Variants in LAMA2 observed in about 807,000 individuals in gnomAD.
The protein encoded by LAMA2 is laminin subunit alpha-2.
In LAMA2, 269 loss-of-function variants were observed where a neutral mutation model predicts 364.8. That is an observed-to-expected ratio of 0.74 (90% CI 0.67 to 0.82). The LOEUF is 0.82. Among genes scored for constraint, LAMA2 ranks in the 40% least tolerant of loss-of-function variants. LAMA2 has a pLI of 0.00. For synonymous variants in LAMA2, 1,379 were observed against 1,370.6 expected (o/e 1.01, Z -0.14); for missense variants, 3,807 against 3,873.2 (o/e 0.98, Z 0.45).
At chr6:129,512,294 C>T (rs1420553004) in intron 62 of LAMA2, 69 bp from the exon 63 acceptor site, 8 of 1,405,510 alleles carry the variant, frequency 5.7e-6, no homozygotes, top group Non-Finnish European at 7.0e-6. Flanking sequence ...AAAAGTCATG[C>T]ATTGTACACG....
intron 30 of LAMA2, among the ~76,000 whole-genome samples, chr6:129,349,097 A>G (rs1460758803): frequency 6.6e-6 from 1 of 152,154 alleles, no homozygotes; most frequent in African/African-American, 2.4e-5. Context: ...CATAAACCAA[A>G]CAATATATAT....
chr6:129,201,426 A>G (rs1002258934), intron 12 of LAMA2, among the ~76,000 whole-genome samples: 20 of 151,422 alleles, frequency 1.3e-4, no homozygotes, highest in African/African-American at 4.4e-4. Flanking sequence ...TGTGAAAGAA[A>G]ACTACCTAAG....
chr6:129,242,231 G>A (rs1322073758), intron 12 of LAMA2, among the ~76,000 whole-genome samples: 3 of 152,078 alleles, frequency 2.0e-5, no homozygotes, highest in Non-Finnish European at 2.9e-5. Flanking sequence ...TGTCCAACAT[G>A]ATGAATATCC....
At chr6:129,363,474 G>A (rs114414317) in intron 32 of LAMA2, among the ~76,000 whole-genome samples, 295 of 152,276 alleles carry the variant, frequency 1.9e-3, no homozygotes, top group African/African-American at 6.2e-3. Context: ...CACCAATGTT[G>A]TCACATTCTA....
At position 129,378,215 on chromosome 6, in the gene LAMA2, TAAG is replaced by T. The variant is rs138848114; in HGVS notation, c.4960-4900_4960-4898del. Among the ~76,000 whole-genome samples the T allele has an allele frequency of 3.0e-4, 46 of 152,266 alleles. No homozygotes were observed. In the East Asian group the frequency reaches 8.7e-3, roughly 29 times the overall value. ...ACTCAAAGGACAAGATAATAGTGAA[TAAG>T]AAGAAGGATGACTAAGAGATGGAGA... On this transcript the variant is annotated intron_variant, in intron 34 of 64. Coordinates refer to ENST00000421865, the MANE Select transcript of LAMA2 (RefSeq NM_000426.4).
At chr6:129,388,649 T>C (rs1402042091) in intron 35 of LAMA2, among the ~76,000 whole-genome samples, 3 of 152,090 alleles carry the variant, frequency 2.0e-5, no homozygotes, top group African/African-American at 7.3e-5. Flanking sequence ...TTTCAAAAGA[T>C]ATTTCTTATG....
intron 12 of LAMA2, among the ~76,000 whole-genome samples, chr6:129,223,667 A>G (rs952682718): frequency 6.6e-6 from 1 of 152,060 alleles, no homozygotes; most frequent in African/African-American, 2.4e-5. Context: ...GTGTGGTATT[A>G]TTTCTGAGGG....
intron 4 of LAMA2, among the ~76,000 whole-genome samples, chr6:129,143,100 C>G (rs530120746): frequency 1.3e-5 from 2 of 152,034 alleles, no homozygotes; most frequent in East Asian, 1.9e-4. Context: ...AGCCTGCCAG[C>G]CTTCTACACC....
chr6:128,886,759 T>C (rs1388898939), intron 1 of LAMA2, among the ~76,000 whole-genome samples: 2 of 152,212 alleles, frequency 1.3e-5, no homozygotes, highest in Admixed American at 1.3e-4. Context: ...TTTTATAATA[T>C]GGAGAAAATA....
intron 1 of LAMA2, among the ~76,000 whole-genome samples, chr6:128,904,546 C>A (rs983673327): frequency 2.6e-5 from 4 of 151,302 alleles, no homozygotes; most frequent in Non-Finnish European, 4.4e-5. Context: ...CCTCCGCCTC[C>A]CGGGTTCAAG....
At chr6:128,886,548 C>T (rs1484436907) in intron 1 of LAMA2, among the ~76,000 whole-genome samples, 2 of 150,940 alleles carry the variant, frequency 1.3e-5, no homozygotes, top group Admixed American at 1.3e-4. Context: ...GAAGGGAGAG[C>T]AGAATGGTTA....
At chr6:128,973,097 AG>A (rs910655689) in intron 1 of LAMA2, among the ~76,000 whole-genome samples, 2 of 152,286 alleles carry the variant, frequency 1.3e-5, no homozygotes, top group South Asian at 2.1e-4. Flanking sequence ...ATGAAAAAAA[AG>A]TTCCTAAAAT....
rs1292647959 is a variant in LAMA2, at chr6:129,120,206, C to G, written c.639+21791C>G. The stretch of plus-strand genomic sequence containing the variant: ...AATATCAAAAGAAATTATTTGTGTC[C>G]GAAAGTCACAATATGCGTGAGTCAT... On this transcript the variant is annotated intron_variant, in intron 4 of 64. Coordinates refer to ENST00000421865, the MANE Select transcript of LAMA2 (RefSeq NM_000426.4). 4.0e-5 allele frequency among the ~76,000 whole-genome samples: 6 copies of G among 151,766 alleles called. No homozygotes were observed. The East Asian group carries it at 9.7e-4, about 25-fold the overall frequency.
chr6:128,978,681 A>C (rs1217206269), intron 1 of LAMA2, among the ~76,000 whole-genome samples: 1 of 152,182 alleles, frequency 6.6e-6, no homozygotes, highest in African/African-American at 2.4e-5. Flanking sequence ...TGATCAACTC[A>C]TCAACCTAAT....
At chr6:129,074,433 C>A (rs1773501564) in intron 3 of LAMA2, among the ~76,000 whole-genome samples, 1 of 152,140 alleles carries the variant, frequency 6.6e-6, no homozygotes, top group South Asian at 2.1e-4. Context: ...GTAGCTTTCT[C>A]TATAACCTCC....
At chr6:129,110,994 CT>C (rs1776126978) in intron 4 of LAMA2, among the ~76,000 whole-genome samples, 1 of 151,988 alleles carries the variant, frequency 6.6e-6, no homozygotes, top group Non-Finnish European at 1.5e-5. Context: ...GATATTGAAG[CT>C]ATTAAAATAA....
Position 128,983,147 on chromosome 6 carries a change from C to G in LAMA2, c.113-66771C>G, listed in dbSNP as rs376791608. Among the ~76,000 whole-genome samples the G allele has an allele frequency of 5.3e-5, 8 of 152,198 alleles. No homozygotes were observed. In the South Asian group the frequency reaches 8.3e-4, roughly 16 times the overall value. On this transcript the variant is annotated intron_variant, in intron 1 of 64. Transcript: ENST00000421865. ...ATACCCAGTAATGGGATGGCTGGGT[C>G]AAAGGGTATTTCTAGTTCTAGATCC...
At chr6:129,419,491 GTAGCCAGCTGC>G (rs199664406) in intron 40 of LAMA2, among the ~76,000 whole-genome samples, 2,031 of 152,208 alleles carry the variant, frequency 0.013, 22 homozygotes, top group Non-Finnish European at 0.019. Flanking sequence ...CCCACCTCTA[GTAGCCAGCTGC>G]TAGTCCAGTG....
At chr6:128,893,129 A>G (rs1433096280) in intron 1 of LAMA2, among the ~76,000 whole-genome samples, 2 of 151,934 alleles carry the variant, frequency 1.3e-5, no homozygotes, top group African/African-American at 4.8e-5. Flanking sequence ...CTTCCTAAAG[A>G]GATTACCTTA....
Sources: gnomAD v4.1 joint callset for allele counts (sites outside exome capture counted in the v4.1 genomes callset) on GRCh38, gnomAD v4.1.1 for gene constraint, MANE v1.5 for transcripts, NCBI Gene and HGNC (gene_info 2026-07-23, HGNC 2026-07-21) for gene names.